COPG1: variants seen among roughly 807,000 people sequenced by gnomAD.
The protein encoded by COPG1 is coatomer subunit gamma-1.
In COPG1, 29 loss-of-function variants were observed where a neutral mutation model predicts 102.8. That is an observed-to-expected ratio of 0.28 (90% CI 0.21 to 0.38). COPG1 has a LOEUF of 0.38. Ranked by LOEUF, COPG1 falls within the 10% of genes least tolerant of loss-of-function variation. COPG1 has a pLI of 1.00. For synonymous variants in COPG1, 406 were observed against 421.6 expected (o/e 0.96, Z 0.45); for missense variants, 875 against 1,132.7 (o/e 0.77, Z 3.27).
At position 129,260,386 on chromosome 3, in the gene COPG1, C is replaced by T. The variant is rs763074625; in HGVS notation, c.925C>T (p.Arg309Cys). ...PKAALRYAAVRTLNKVAMKHP... is the reference protein window; with the variant it reads ...PKAALRYAAVCTLNKVAMKHP... ...GGCTGCTCTCCGCTATGCTGCTGTT[C>T]GTACCCTCAATAAGGTAAGAGTCCA... The change falls in exon 11 of 24, where the codon CGT becomes TGT. Residue 309 changes from arginine to cysteine, a missense_variant. Transcript: ENST00000314797. 2 of 1,614,126 alleles carry T rather than the reference C, an allele frequency of 1.2e-6. No homozygotes were observed. Among genetic ancestry groups the T allele is most frequent in the South Asian group, 1.1e-5 (1 of 91,074 alleles).
chr3:129,263,883 A>G, intron 12 of COPG1, 21 bp from the exon 13 acceptor site: 1 of 1,608,932 alleles, frequency 6.2e-7, no homozygotes, highest in Non-Finnish European at 8.5e-7. Flanking sequence ...CCTGCTGCTC[A>G]TGCACGTCTA....
In COPG1 at chr3:129,257,768, G is replaced by A. The variant is rs1256388269; in HGVS notation, c.779G>A (p.Arg260His). ...TTTGACTTCATCGAGAGCTGCTTGC[G>A]CAACAAGCACGAGATGGTGGTGTAT... ...PLFDFIESCLRNKHEMVVYEA... is the reference protein window; with the variant it reads ...PLFDFIESCLHNKHEMVVYEA... The change falls in exon 10 of 24, where the codon CGC (arginine) becomes CAC (histidine). Residue 260 changes from arginine to histidine, a missense_variant. By Grantham distance (29) the Arg-to-His change is conservative. Coordinates refer to ENST00000314797, the MANE Select transcript of COPG1 (RefSeq NM_016128.4). 3.1e-6 allele frequency: 5 copies of A among 1,613,996 alleles called. No homozygotes were observed. The highest frequency in any genetic ancestry group is 1.7e-5 in the Admixed American group (1 of 60,000).
chr3:129,249,984 C>A (rs1353765791), intron 1 of COPG1, among the ~76,000 whole-genome samples: 1 of 147,686 alleles, frequency 6.8e-6, no homozygotes, highest in Non-Finnish European at 1.5e-5. Context: ...CCCCCCCCCC[C>A]AGGCCTCAAT....
intron 10 of COPG1, among the ~76,000 whole-genome samples, chr3:129,258,179 G>A (rs1939854327): frequency 1.3e-5 from 2 of 152,180 alleles, no homozygotes; most frequent in South Asian, 4.1e-4. Context: ...ATGTGAAGTG[G>A]GGCTGCACTT....
At chr3:129,262,286 T>C (rs532082363) in intron 12 of COPG1, among the ~76,000 whole-genome samples, 1 of 149,916 alleles carries the variant, frequency 6.7e-6, no homozygotes, top group Non-Finnish European at 1.5e-5. Flanking sequence ...GGAGTCTCGC[T>C]CTGTTGCTCA....
At chr3:129,263,257 GAC>G (rs1008590884) in intron 12 of COPG1, among the ~76,000 whole-genome samples, 3 of 152,106 alleles carry the variant, frequency 2.0e-5, no homozygotes, top group African/African-American at 4.8e-5. Context: ...TGGTGCTCTT[GAC>G]TAGTTTGCAG....
rs764260447 is a variant in COPG1, at chr3:129,254,732, C to G, written c.388C>G (p.Gln130Glu). The G allele has an allele frequency of 3.1e-6, 5 of 1,613,922 alleles. No homozygotes were observed. The South Asian group carries it at 4.4e-5, about 14-fold the overall frequency. The change falls in exon 6 of 24, where the codon CAG (glutamine) becomes GAG (glutamate). Residue 130 changes from glutamine to glutamate, a missense_variant. By Grantham distance (29) the Gln-to-Glu change is conservative. Coordinates refer to ENST00000314797, the MANE Select transcript of COPG1 (RefSeq NM_016128.4). ...GGGCCCGGCCGTGCGAGCCCTCTGC[C>G]AGATCACTGATGTGAGTCGTGCCGG... ...YRGPAVRALC[Q>E]ITDSTMLQAI... is the part of the protein sequence containing the mutation.
chr3:129,256,194 G>T, intron 8 of COPG1, 40 bp downstream of exon 8: 2 of 1,571,268 alleles, frequency 1.3e-6, no homozygotes, highest in Non-Finnish European at 1.8e-6. Flanking sequence ...AAACACTCAG[G>T]CAGGTGGTAA....
At chr3:129,260,275 T>G (rs1174686112) in intron 10 of COPG1, 58 bp from the exon 11 acceptor site, 1 of 1,519,550 alleles carries the variant, frequency 6.6e-7, no homozygotes, top group Non-Finnish European at 9.1e-7. Flanking sequence ...TAGCCCCCGG[T>G]TTTCCCAGCT....
At chr3:129,259,210 C>A (rs1284925444) in intron 10 of COPG1, among the ~76,000 whole-genome samples, 1 of 152,130 alleles carries the variant, frequency 6.6e-6, no homozygotes, top group Non-Finnish European at 1.5e-5. Flanking sequence ...CGCCTGTAAT[C>A]CCAGCGCTTT....
rs140734459 is a variant in COPG1, at chr3:129,270,388, C to T, written c.1844-1379C>T. ...TTCCTAGATCTTGAATTTATTGCCTCATTTGTCTTTACAACAACGCTGTGA... is the reference window on the plus strand; with the variant it reads ...TTCCTAGATCTTGAATTTATTGCCTTATTTGTCTTTACAACAACGCTGTGA... On this transcript the variant is annotated intron_variant, in intron 18 of 23. Transcript: ENST00000314797. Among the ~76,000 whole-genome samples, 1,371 of 152,262 alleles carry T rather than the reference C, an allele frequency of 9.0e-3. 15 individuals are homozygous for T. The highest frequency in any genetic ancestry group is 0.031 in the African/African-American group (1,301 of 41,544).
At chr3:129,269,143 G>T in intron 18 of COPG1, 143 bp downstream of exon 18, 1 of 698,670 alleles carries the variant, frequency 1.4e-6, no homozygotes. Context: ...TTGACCCTCA[G>T]GTGGTGGTTG....
intron 14 of COPG1, 99 bp downstream of exon 14, chr3:129,265,891 G>C (rs147089895): frequency 2.5e-6 from 3 of 1,206,412 alleles, no homozygotes; most frequent in Admixed American, 2.4e-5. Context: ...TGTGCACTCA[G>C]TGTTCTTGCT....
chr3:129,264,265 A>G (rs538372300), intron 13 of COPG1, among the ~76,000 whole-genome samples: 2 of 152,312 alleles, frequency 1.3e-5, no homozygotes, highest in Non-Finnish European at 2.9e-5. Context: ...GGGAAAATGC[A>G]TGTTCTTTTC....
At chr3:129,251,949 T>C (rs1451277357) in intron 2 of COPG1, among the ~76,000 whole-genome samples, 5 of 152,142 alleles carry the variant, frequency 3.3e-5, no homozygotes, top group Non-Finnish European at 7.4e-5. Flanking sequence ...CCTCCCAAAG[T>C]GCTAGGATTA....
chr3:129,263,742 TTCAAGC>T (rs1939993716), intron 12 of COPG1, among the ~76,000 whole-genome samples, 156 bp from the exon 13 acceptor site: 1 of 123,290 alleles, frequency 8.1e-6, no homozygotes, highest in African/African-American at 5.7e-5. Context: ...GATTGTGCCC[TTCAAGC>T]TTCAAGCGTG....
chr3:129,272,545 G>T (rs1003043941), intron 20 of COPG1, 130 bp downstream of exon 20: 10 of 788,926 alleles, frequency 1.3e-5, no homozygotes, highest in Non-Finnish European at 2.0e-5. Context: ...CCAAGAAGAA[G>T]AATAGCTGAG....
chr3:129,259,738 A>G (rs1939888703), intron 10 of COPG1, among the ~76,000 whole-genome samples: 1 of 152,218 alleles, frequency 6.6e-6, no homozygotes, highest in African/African-American at 2.4e-5. Flanking sequence ...CCGGGCAGCC[A>G]GGGCAAGGGA....
intron 13 of COPG1, among the ~76,000 whole-genome samples, chr3:129,264,761 G>A (rs1227150804): frequency 6.6e-6 from 1 of 151,920 alleles, no homozygotes; most frequent in Admixed American, 6.6e-5. Flanking sequence ...GGGATTACAG[G>A]TGTGAGCCAT....
Sources: gnomAD v4.1 joint callset for allele counts (sites outside exome capture counted in the v4.1 genomes callset) on GRCh38, gnomAD v4.1.1 for gene constraint, MANE v1.5 for transcripts, NCBI Gene and HGNC (gene_info 2026-07-23, HGNC 2026-07-21) for gene names.